Variants in TGFA observed in about 807,000 individuals in gnomAD.
TGFA encodes transforming growth factor alpha, also known as protransforming growth factor alpha.
Under a neutral mutation model 21.7 loss-of-function variants are expected in TGFA, and 12 were observed. The ratio of observed to expected loss-of-function variants is 0.55; its 90% CI spans 0.35 to 0.90. The LOEUF is 0.90. TGFA is among the 40% of genes least tolerant of loss of function. TGFA has a pLI of 0.01. For missense variants in TGFA, 178 were observed against 210.8 expected (o/e 0.84, Z 0.96); for synonymous variants, 79 against 88.1 (o/e 0.90, Z 0.58).
At chr2:70,521,374 C>T (rs1474000963) in intron 1 of TGFA, among the ~76,000 whole-genome samples, 1 of 152,176 alleles carries the variant, frequency 6.6e-6, no homozygotes, top group Non-Finnish European at 1.5e-5. Flanking sequence ...CAACTTGGTG[C>T]CTTGGGTTCA....
intron 1 of TGFA, among the ~76,000 whole-genome samples, chr2:70,521,613 G>GTTTTTTTT (rs59567780): frequency 0.015 from 1,127 of 73,512 alleles, 58 homozygotes; most frequent in African/African-American, 0.02. Flanking sequence ...GTTGTTGTTT[G>GTTTTTTTT]TTTGTTTTTT....
intron 1 of TGFA, chr2:70,553,375 G>C (rs868932359): frequency 1.2e-5 from 18 of 1,458,076 alleles, no homozygotes; most frequent in Non-Finnish European, 1.6e-5. Flanking sequence ...CGGCTGAGCC[G>C]GGCTTGGAGG....
intron 2 of TGFA, among the ~76,000 whole-genome samples, chr2:70,506,579 A>G (rs1191373009): frequency 6.6e-6 from 1 of 152,236 alleles, no homozygotes; most frequent in Non-Finnish European, 1.5e-5. Context: ...TTCACACTGT[A>G]TGCATCACCA....
At chr2:70,450,981 G>A (rs912795568) in intron 5 of TGFA, 115 bp from the exon 6 acceptor site, 155 of 1,307,920 alleles carry the variant, frequency 1.2e-4, no homozygotes, top group Admixed American at 3.4e-4. Context: ...AAGTTCTCTC[G>A]GGCAGTTAGG....
Position 70,450,820 on chromosome 2 carries a change from TG to T in TGFA, c.*38del. ...CTGAAGAAGCCTTTCTTTATTGATC[TG>T]CCACAGTCCACCTGGCCAAACTCCT... is the stretch of plus-strand genomic sequence containing the variant. On this transcript the variant is annotated 3_prime_UTR_variant, in exon 6 of 6. Coordinates refer to ENST00000295400, the MANE Select transcript of TGFA (RefSeq NM_003236.4). The T allele has an allele frequency of 6.2e-7, 1 of 1,606,488 alleles. No individual in the cohort carries two copies.
intron 1 of TGFA, among the ~76,000 whole-genome samples, chr2:70,523,983 C>A (rs1672555090): frequency 6.6e-6 from 1 of 152,068 alleles, no homozygotes; most frequent in African/African-American, 2.4e-5. Context: ...AAAAAATAAA[C>A]AACTAAATAA....
chr2:70,457,666 C>T (rs1319045919), intron 3 of TGFA, among the ~76,000 whole-genome samples: 8 of 151,848 alleles, frequency 5.3e-5, no homozygotes, highest in African/African-American at 1.2e-4. Context: ...CTCAGCCTCC[C>T]GAGTAGCTGG....
intron 1 of TGFA, among the ~76,000 whole-genome samples, chr2:70,518,325 G>GA (rs1215469706): frequency 6.6e-6 from 1 of 152,198 alleles, no homozygotes; most frequent in African/African-American, 2.4e-5. Context: ...GTATCAAGGG[G>GA]AAAACCACAT....
chr2:70,496,773 C>A (rs1671590037), intron 2 of TGFA, among the ~76,000 whole-genome samples: 2 of 152,172 alleles, frequency 1.3e-5, no homozygotes, highest in South Asian at 4.1e-4. Flanking sequence ...GCGTCATGCA[C>A]TGTGCTGGGT....
chr2:70,496,027 A>G (rs1574103200), intron 2 of TGFA, among the ~76,000 whole-genome samples: 1 of 152,164 alleles, frequency 6.6e-6, no homozygotes, highest in African/African-American at 2.4e-5. Flanking sequence ...CTCTTTTCCA[A>G]CCAGAGGCTC....
intron 2 of TGFA, among the ~76,000 whole-genome samples, chr2:70,475,478 G>A (rs1553494103): frequency 1.3e-5 from 2 of 152,076 alleles, no homozygotes; most frequent in African/African-American, 4.8e-5. Flanking sequence ...TAAAGCTCTC[G>A]CCCTTTCTAA....
chr2:70,464,000 G>A (rs1385223090), intron 3 of TGFA, among the ~76,000 whole-genome samples: 1 of 152,224 alleles, frequency 6.6e-6, no homozygotes, highest in African/African-American at 2.4e-5. Flanking sequence ...GCGGTGTTCC[G>A]AGGAGGAGGG....
At chr2:70,549,712 T>C (rs541335561) in intron 1 of TGFA, among the ~76,000 whole-genome samples, 2 of 152,316 alleles carry the variant, frequency 1.3e-5, no homozygotes, top group East Asian at 3.9e-4. Context: ...AAGACACACT[T>C]TGAAAAGGTC....
intron 2 of TGFA, among the ~76,000 whole-genome samples, chr2:70,501,337 T>C (rs1671733547): frequency 6.6e-6 from 1 of 152,018 alleles, no homozygotes; most frequent in East Asian, 1.9e-4. Context: ...CTAACACCAT[T>C]TTGTTCACAA....
chr2:70,477,607 T>C (rs139496462), intron 2 of TGFA, among the ~76,000 whole-genome samples: 1 of 152,190 alleles, frequency 6.6e-6, no homozygotes, highest in South Asian at 2.1e-4. Flanking sequence ...CCAGGATATA[T>C]GGCCAGTGGA....
intron 2 of TGFA, among the ~76,000 whole-genome samples, chr2:70,510,259 C>T (rs1182497042): frequency 6.6e-6 from 1 of 152,150 alleles, no homozygotes; most frequent in Non-Finnish European, 1.5e-5. Context: ...ATCTTTGAAC[C>T]TGAATGTAAA....
chr2:70,470,463 T>G (rs929060668), intron 2 of TGFA, among the ~76,000 whole-genome samples: 5 of 152,230 alleles, frequency 3.3e-5, no homozygotes, highest in Non-Finnish European at 5.9e-5. Flanking sequence ...CCTAAGTCTG[T>G]GGTTGGAGAG....
In TGFA at chr2:70,485,159, C is replaced by T. The variant is rs141652185; in HGVS notation, c.95-19423G>A. Among the ~76,000 whole-genome samples, 139 of 152,282 alleles carry T rather than the reference C, an allele frequency of 9.1e-4. 3 individuals carry two copies. The South Asian group carries it at 0.015, about 17-fold the overall frequency. On this transcript the variant is annotated intron_variant, in intron 2 of 5. Coordinates refer to ENST00000295400, the MANE Select transcript of TGFA (RefSeq NM_003236.4). ...GTGGTAAGTCTTGTTTATAGCAATA[C>T]TGTGTTCTGTAGCCTTACCGCTCTT...
intron 4 of TGFA, among the ~76,000 whole-genome samples, chr2:70,454,350 G>C (rs559661895): frequency 6.6e-6 from 1 of 152,362 alleles, no homozygotes; most frequent in Admixed American, 6.5e-5. Context: ...TTGGACAGCA[G>C]GGCTAAGGAG....
Sources: allele counts gnomAD v4.1 joint callset (sites outside exome capture counted in the v4.1 genomes callset), GRCh38; gene constraint gnomAD v4.1.1; transcripts MANE v1.5; gene names NCBI Gene and HGNC (gene_info 2026-07-23, HGNC 2026-07-21).